Variants in WWOX observed in about 807,000 individuals in gnomAD.
WWOX encodes WW domain-containing oxidoreductase.
In WWOX, 69 loss-of-function variants were observed where a neutral mutation model predicts 46.2. The ratio of observed to expected loss-of-function variants is 1.49; its 90% CI spans 1.23 to 1.82. WWOX has a LOEUF of 1.82. WWOX is among the 40% of genes most tolerant of loss of function. The pLI is 0.00. For missense variants in WWOX, 919 were observed against 542.6 expected, an observed-to-expected ratio of 1.69 and a Z score of -6.89; for synonymous variants, 359 against 202.6, an observed-to-expected ratio of 1.77 and a Z score of -6.56.
chr16:79,180,165 A>T (rs1001183340), intron 8 of WWOX, among the ~76,000 whole-genome samples: 5 of 152,186 alleles, frequency 3.3e-5, no homozygotes, highest in African/African-American at 1.2e-4. Context: ...GTACATCAAA[A>T]CGACGCTGGT....
Position 78,920,368 on chromosome 16 carries a change from C to T in WWOX, c.1057-291240C>T, listed in dbSNP as rs116066454. Among the ~76,000 whole-genome samples, 877 of 152,244 alleles carry T rather than the reference C, an allele frequency of 5.8e-3. 7 individuals are homozygous for T. The highest frequency in any genetic ancestry group is 0.02 in the African/African-American group (848 of 41,532). ...ACAATAACATTGTCTCCCATGGGTG[C>T]AGATGTGATGCTTTCCTCCTTGTGA... is the stretch of plus-strand genomic sequence containing the variant. On this transcript the variant is annotated intron_variant, in intron 8 of 8. Transcript: ENST00000566780.
At chr16:79,145,789 T>G (rs1167912722) in intron 8 of WWOX, among the ~76,000 whole-genome samples, 1 of 152,164 alleles carries the variant, frequency 6.6e-6, no homozygotes, top group Non-Finnish European at 1.5e-5. Flanking sequence ...AATTAGCTGG[T>G]ATATACTAGT....
intron 5 of WWOX, among the ~76,000 whole-genome samples, chr16:78,219,747 C>T (rs1357755070): frequency 6.6e-6 from 1 of 152,094 alleles, no homozygotes; most frequent in African/African-American, 2.4e-5. Flanking sequence ...AATAAAGACC[C>T]CAAGAACTCA....
chr16:78,167,704 A>T (rs1332730096), intron 5 of WWOX: 2 of 152,180 alleles, frequency 1.3e-5, no homozygotes, highest in African/African-American at 4.8e-5. Context: ...TTGCACCAGA[A>T]GCTGTAGTTA....
At chr16:79,184,596 T>G (rs1425527943) in intron 8 of WWOX, among the ~76,000 whole-genome samples, 1 of 152,208 alleles carries the variant, frequency 6.6e-6, no homozygotes, top group Non-Finnish European at 1.5e-5. Context: ...GCTCCAGCCC[T>G]GTAGTGCCAG....
At position 78,116,393 on chromosome 16, in the gene WWOX, G is replaced by T. The variant is rs1031091356; in HGVS notation, c.409+1239G>T. ...TTGTTCAAGGGTCAATTATTGTGTT[G>T]TACAAGGTGTGAAATCTACCAGGTT... is the stretch of plus-strand genomic sequence containing the variant. On this transcript the variant is annotated intron_variant, in intron 4 of 8. Coordinates refer to ENST00000566780, the MANE Select transcript of WWOX (RefSeq NM_016373.4). 3.9e-5 allele frequency among the ~76,000 whole-genome samples: 6 copies of T among 152,272 alleles called. No individual in the cohort carries two copies. The South Asian group carries it at 8.3e-4, about 21-fold the overall frequency.
intron 8 of WWOX, among the ~76,000 whole-genome samples, chr16:78,872,103 A>T (rs1413831953): frequency 6.6e-6 from 1 of 152,190 alleles, no homozygotes; most frequent in African/African-American, 2.4e-5. Context: ...TCCACTTCTA[A>T]TGAGGAATTA....
intron 8 of WWOX, among the ~76,000 whole-genome samples, chr16:78,951,244 C>T (rs1484957378): frequency 1.3e-5 from 2 of 152,220 alleles, no homozygotes; most frequent in African/African-American, 4.8e-5. Context: ...AGCTGTACTT[C>T]CATCTCTGTA....
At position 78,752,733 on chromosome 16, in the gene WWOX, G is replaced by A. The variant is rs1469050362; in HGVS notation, c.1056+319981G>A. On this transcript the variant is annotated intron_variant, in intron 8 of 8. Transcript: ENST00000566780. ...CTGCTTTGTGCTAATGAGTTTATAT[G>A]CCCTGTCTTCTTTAATCTTCACCAC... Among the ~76,000 whole-genome samples the A allele has an allele frequency of 2.0e-5, 3 of 152,180 alleles. No individual in the cohort carries two copies. The East Asian group carries it at 5.8e-4, about 29-fold the overall frequency.
At chr16:78,457,052 A>G (rs1308235524) in intron 8 of WWOX, among the ~76,000 whole-genome samples, 1 of 152,208 alleles carries the variant, frequency 6.6e-6, no homozygotes, top group African/African-American at 2.4e-5. Context: ...ATGTCACACA[A>G]TATGTGCCCA....
intron 5 of WWOX, among the ~76,000 whole-genome samples, chr16:78,190,754 C>G (rs948228139): frequency 1.3e-5 from 2 of 152,146 alleles, no homozygotes; most frequent in African/African-American, 4.8e-5. Context: ...CAACCTGAGC[C>G]AGATAATTAA....
intron 8 of WWOX, among the ~76,000 whole-genome samples, chr16:79,114,100 G>A (rs2049466115): frequency 2.0e-5 from 3 of 152,122 alleles, no homozygotes; most frequent in Admixed American, 1.3e-4. Flanking sequence ...TGCTAGTAAG[G>A]GTTAGAGCCA....
At chr16:78,624,662 C>A (rs1456594569) in intron 8 of WWOX, among the ~76,000 whole-genome samples, 3 of 152,100 alleles carry the variant, frequency 2.0e-5, no homozygotes, top group African/African-American at 4.8e-5. Flanking sequence ...GGGGAAAAAA[C>A]CCTCACTTTT....
At chr16:78,413,692 A>G (rs1567557780) in intron 6 of WWOX, among the ~76,000 whole-genome samples, 6 of 151,790 alleles carry the variant, frequency 4.0e-5, no homozygotes. Context: ...GCCTGGGCTC[A>G]GAGGCCTGAC....
intron 8 of WWOX, among the ~76,000 whole-genome samples, chr16:78,933,641 C>T (rs1195695901): frequency 6.6e-6 from 1 of 152,130 alleles, no homozygotes; most frequent in Admixed American, 6.5e-5. Flanking sequence ...ATTGGACTTA[C>T]AGTTCCATGT....
intron 8 of WWOX, among the ~76,000 whole-genome samples, chr16:78,736,764 T>C (rs1430902073): frequency 1.3e-5 from 2 of 152,068 alleles, no homozygotes; most frequent in East Asian, 3.9e-4. Context: ...CACATCTGAC[T>C]AATTACTAAA....
At chr16:78,977,142 G>T (rs554747237) in intron 8 of WWOX, among the ~76,000 whole-genome samples, 43 of 152,156 alleles carry the variant, frequency 2.8e-4, no homozygotes, top group Non-Finnish European at 4.7e-4. Context: ...CCCATATGTG[G>T]TATCTCTGGT....
chr16:78,967,372 C>T (rs759931542), intron 8 of WWOX, among the ~76,000 whole-genome samples: 3 of 146,592 alleles, frequency 2.0e-5, no homozygotes, highest in Non-Finnish European at 4.5e-5. Flanking sequence ...TCACTGCAGC[C>T]TCCCGGGCTC....
intron 3 of WWOX, 134 bp from the exon 4 acceptor site, chr16:78,114,842 C>T (rs2032691188): frequency 9.1e-7 from 1 of 1,100,860 alleles, no homozygotes; most frequent in Non-Finnish European, 1.3e-6. Context: ...TTCAGTGGGC[C>T]CCAGTTCTTT....
Sources: gnomAD v4.1 joint callset for allele counts (sites outside exome capture counted in the v4.1 genomes callset) on GRCh38, gnomAD v4.1.1 for gene constraint, MANE v1.5 for transcripts, NCBI Gene and HGNC (gene_info 2026-07-23, HGNC 2026-07-21) for gene names.